The following GRB14 variants were observed in gnomAD, a reference collection of about 807,000 sequenced individuals.
GRB14 encodes growth factor receptor-bound protein 14.
In GRB14, 38 loss-of-function variants were observed where a neutral mutation model predicts 69.1. The observed-to-expected ratio is 0.55, with a 90% confidence interval of 0.42 to 0.72. The LOEUF (loss-of-function observed/expected upper bound fraction) is 0.72, where lower values mean the gene tolerates loss of function less well. GRB14 is among the 30% of genes least tolerant of loss of function. The probability of loss-of-function intolerance (pLI) is 0.00; values close to 1 mark genes in which losing one functional copy is unlikely to be tolerated. For synonymous variants in GRB14, 247 were observed against 241.3 expected (o/e 1.02, Z -0.22); for missense variants, 666 against 666.1 (o/e 1.00, Z 0.00).
At chr2:164,604,676 A>G (rs998437929) in intron 2 of GRB14, among the ~76,000 whole-genome samples, 2 of 152,182 alleles carry the variant, frequency 1.3e-5, no homozygotes, top group African/African-American at 4.8e-5. Context: ...ACTGTTTGGA[A>G]TTACTTCACG....
chr2:164,610,685 A>G (rs1235189456), intron 2 of GRB14, among the ~76,000 whole-genome samples: 2 of 152,040 alleles, frequency 1.3e-5, no homozygotes, highest in Non-Finnish European at 2.9e-5. Context: ...AGTTTTAACT[A>G]TGTATCTTCA....
chr2:164,587,268 T>A (rs141216752), intron 2 of GRB14, among the ~76,000 whole-genome samples: 6 of 152,294 alleles, frequency 3.9e-5, no homozygotes, highest in African/African-American at 1.4e-4. Flanking sequence ...ACTTTAGAAT[T>A]CTATACACAA....
rs995276125 is a variant in GRB14 at position 164,542,229 on chromosome 2, A to G, written c.481+5431T>C. Among the ~76,000 whole-genome samples, 3 of 152,210 alleles carry G rather than the reference A, an allele frequency of 2.0e-5. No individual in the cohort carries two copies. The South Asian group carries it at 6.2e-4, about 32-fold the overall frequency. On this transcript the variant is annotated intron_variant, in intron 3 of 13. Coordinates refer to ENST00000263915, the MANE Select transcript of GRB14 (RefSeq NM_004490.3). Reference sequence around the variant, plus strand: ...TTGGGAAAACTGGCTAGCCAAATACAGAAGAATGAAAGTGGACCCCTACCT... The same window carrying G: ...TTGGGAAAACTGGCTAGCCAAATACGGAAGAATGAAAGTGGACCCCTACCT...
At chr2:164,562,566 T>C (rs960358569) in intron 2 of GRB14, among the ~76,000 whole-genome samples, 7 of 152,164 alleles carry the variant, frequency 4.6e-5, no homozygotes, top group African/African-American at 1.7e-4. Context: ...GCACGGAAAG[T>C]TTAAATTCTC....
chr2:164,495,030 C>T (rs1184267498), intron 12 of GRB14, among the ~76,000 whole-genome samples: 2 of 152,110 alleles, frequency 1.3e-5, no homozygotes, highest in Non-Finnish European at 2.9e-5. Context: ...CAATCTCCGC[C>T]TCCAGGGTTC....
chr2:164,508,243 T>A (rs1044474017), intron 8 of GRB14, among the ~76,000 whole-genome samples: 2 of 152,196 alleles, frequency 1.3e-5, no homozygotes, highest in African/African-American at 4.8e-5. Flanking sequence ...GAATACTTAC[T>A]CCACACACAA....
intron 3 of GRB14, among the ~76,000 whole-genome samples, chr2:164,537,677 G>T (rs1158141644): frequency 6.6e-6 from 1 of 152,168 alleles, no homozygotes; most frequent in African/African-American, 2.4e-5. Context: ...TGTAGCCGAG[G>T]CTATAAGAAT....
chr2:164,522,120 G>A lies in GRB14; in HGVS notation c.679-3C>T. On this transcript the variant is annotated splice_region_variant and splice_polypyrimidine_tract_variant and intron_variant, in intron 5 of 13. Coordinates refer to ENST00000263915, the MANE Select transcript of GRB14 (RefSeq NM_004490.3). ...TATGTGCTTGAACTCAGAAACATCTGAAAGAAAATTTATATATTTTCAAAC... is the reference window on the plus strand; with the variant it reads ...TATGTGCTTGAACTCAGAAACATCTAAAAGAAAATTTATATATTTTCAAAC... 1.3e-6 allele frequency: 2 copies of A among 1,533,066 alleles called. No homozygotes were observed. The highest frequency in any genetic ancestry group is 1.8e-6 in the Non-Finnish European group (2 of 1,123,530). 95.0% of individuals were successfully genotyped at this position (1,533,066 alleles called of 1,614,324 possible).
At chr2:164,520,304 T>C (rs1035604361) in intron 6 of GRB14, among the ~76,000 whole-genome samples, 13 of 152,190 alleles carry the variant, frequency 8.5e-5, no homozygotes, top group African/African-American at 3.1e-4. Flanking sequence ...GCAAGTCACA[T>C]GTAGAAGAAT....
chr2:164,536,847 G>T (rs11690448), intron 3 of GRB14, among the ~76,000 whole-genome samples: 119,041 of 152,144 alleles, frequency 0.78, 47,052 homozygotes, highest in African/African-American at 0.83. Flanking sequence ...TTGTCCACAC[G>T]GCTTGTTTCT....
chr2:164,556,785 T>C (rs1268505949), intron 2 of GRB14, among the ~76,000 whole-genome samples: 1 of 152,108 alleles, frequency 6.6e-6, no homozygotes, highest in African/African-American at 2.4e-5. Flanking sequence ...CCCTTCACCA[T>C]AAGAACGATG....
chr2:164,619,631 C>T, intron 2 of GRB14, 56 bp downstream of exon 2: 1 of 1,190,988 alleles, frequency 8.4e-7, no homozygotes, highest in East Asian at 2.3e-5. Flanking sequence ...ACCTTAAAGA[C>T]TGTATGGATT....
rs551734048 is a variant in GRB14 at position 164,513,776 on chromosome 2, A to C, written c.817-4924T>G. Among the ~76,000 whole-genome samples, 42 of 152,176 alleles carry C rather than the reference A, an allele frequency of 2.8e-4. 1 individual carries two copies. The highest frequency in any genetic ancestry group is 6.8e-3 in the Middle Eastern group (2 of 294). On this transcript the variant is annotated intron_variant, in intron 6 of 13. Transcript: ENST00000263915. ...TGTTTGAAAAACTGCCAGAGAAAAA[A>C]GACAGTTTAACCCATAAAGAAGCAA...
intron 2 of GRB14, among the ~76,000 whole-genome samples, chr2:164,616,177 C>T (rs1690287494): frequency 6.6e-6 from 1 of 152,076 alleles, no homozygotes; most frequent in South Asian, 2.1e-4. Context: ...GTAATCCCAG[C>T]ACTTTGGGAG....
chr2:164,618,986 T>C (rs1296359568), intron 2 of GRB14, among the ~76,000 whole-genome samples: 1 of 152,236 alleles, frequency 6.6e-6, no homozygotes, highest in African/African-American at 2.4e-5. Context: ...TATTCTATGA[T>C]ACACTATTTT....
chr2:164,549,878 TAAAATAAAATAAAATAAAATAAAATAA>T, intron 2 of GRB14, among the ~76,000 whole-genome samples: 1 of 72,604 alleles, frequency 1.4e-5, no homozygotes, highest in East Asian at 6.0e-4. Flanking sequence ...TAAAATAAAA[TAAAATAAAATAAAATAAAATAAAATAA>T]AATAAAATAA....
intron 2 of GRB14, among the ~76,000 whole-genome samples, chr2:164,551,423 T>G (rs1480026257): frequency 6.6e-6 from 1 of 152,146 alleles, no homozygotes; most frequent in Non-Finnish European, 1.5e-5. Context: ...ACTGAATGTT[T>G]GTACCCTCCA....
chr2:164,547,759 T>G lies in GRB14; in HGVS notation c.382A>C (p.Ile128Leu). ...AGCTGACAAACATCTCGAGCCGTTA[T>G]GTCACTGGGTACATCTAAAGCCCTG... The part of the protein sequence containing the change: ...TSRALDVPSD[I>L]TARDVCQLLI... Residue 128 changes from isoleucine to leucine, a missense_variant, in exon 3 of 14, where the codon ATA (isoleucine) becomes CTA (leucine). Physicochemically the swap from Ile to Leu is conservative, Grantham distance 5. Coordinates refer to ENST00000263915, the MANE Select transcript of GRB14 (RefSeq NM_004490.3). 1 of 1,613,880 alleles carries G rather than the reference T, an allele frequency of 6.2e-7. No individual in the cohort carries two copies. Among genetic ancestry groups the G allele is most frequent in the South Asian group, 1.1e-5 (1 of 91,066 alleles).
At chr2:164,559,201 C>G (rs1051969123) in intron 2 of GRB14, among the ~76,000 whole-genome samples, 1 of 152,130 alleles carries the variant, frequency 6.6e-6, no homozygotes, top group Non-Finnish European at 1.5e-5. Flanking sequence ...CATTCCCATG[C>G]AGTAACAAAC....
Sources: gnomAD v4.1 joint callset for allele counts (sites outside exome capture counted in the v4.1 genomes callset) on GRCh38, gnomAD v4.1.1 for gene constraint, MANE v1.5 for transcripts, NCBI Gene and HGNC (gene_info 2026-07-23, HGNC 2026-07-21) for gene names.